Variants in FOXH1 observed in about 807,000 individuals in gnomAD.
The protein encoded by FOXH1 is forkhead box protein H1.
Under a neutral mutation model 14.2 loss-of-function variants are expected in FOXH1, and 10 were observed. The ratio of observed to expected loss-of-function variants is 0.70; its 90% CI spans 0.43 to 1.19. The LOEUF (loss-of-function observed/expected upper bound fraction) is 1.19, where lower values mean the gene tolerates loss of function less well. FOXH1 is among the 50% of genes most tolerant of loss of function. The probability of loss-of-function intolerance (pLI) is 0.00; values close to 1 mark genes in which losing one functional copy is unlikely to be tolerated. For synonymous variants in FOXH1, 273 were observed against 209.5 expected (o/e 1.30, Z -2.62); for missense variants, 643 against 492.1 (o/e 1.31, Z -2.90).
Position 144,475,668 on chromosome 8 carries a change from C to T in FOXH1, c.89G>A (p.Arg30Gln), listed in dbSNP as rs1825128414. Residue 30 changes from arginine to glutamine, a missense_variant, in exon 1 of 3, where the codon CGA becomes CAA. By Grantham distance (43) the Arg-to-Gln change is conservative (BLOSUM62 1). Transcript: ENST00000377317. Reference protein sequence around the residue: ...PPKRRKKRYLRHDKPPYTYLA... With the variant: ...PPKRRKKRYLQHDKPPYTYLA... ...GTAGGTGTAGGGGGGCTTGTCATGT[C>T]GCAGGTACCTCTTCTTCCTCCTCTT... The T allele has an allele frequency of 1.4e-6, 2 of 1,421,314 alleles. No individual in the cohort carries two copies. Among genetic ancestry groups the T allele is most frequent in the African/African-American group, 1.4e-5 (1 of 69,232 alleles). The allele number at this position is 1,421,314 out of a possible 1,614,324, so 88.0% of individuals were successfully genotyped here. A position where few individuals can be genotyped will look rare whatever the true frequency, so the allele number is the denominator to read the frequency against.
At position 144,474,966 on chromosome 8, in the gene FOXH1, TCTG is replaced by T. The variant is rs1229949537; in HGVS notation, c.367_369del (p.Gln123del). ...TGCCAGCGCCGGCACAGGGCGGTGTTCTGCAGCCGGAGCGCCTCAGCTGGGATC... is the reference window on the plus strand; with the variant it reads ...TGCCAGCGCCGGCACAGGGCGGTGTTCAGCCGGAGCGCCTCAGCTGGGATC... On this transcript the variant is annotated inframe_deletion, in exon 3 of 3. Transcript: ENST00000377317. 1.9e-6 allele frequency: 3 copies of T among 1,607,922 alleles called. No homozygotes were observed. The highest frequency in any genetic ancestry group is 2.5e-6 in the Non-Finnish European group (3 of 1,178,440).
chr8:144,475,352 C>T, intron 1 of FOXH1, 91 bp from the exon 2 acceptor site: 3 of 1,138,568 alleles, frequency 2.6e-6, no homozygotes, highest in East Asian at 2.5e-5. Flanking sequence ...CTCAGGGGCG[C>T]GCGGTGCCGG....
At position 144,473,449 on chromosome 8, in the gene FOXH1, A is replaced by G; in HGVS notation, c.*789T>C. The stretch of plus-strand genomic sequence containing the variant: ...CCAGGTCTCTGCTGGCAGAGGCGGT[A>G]GTAAAGTCCCTGTACCCCGTCTCCC... On this transcript the variant is annotated 3_prime_UTR_variant, in exon 3 of 3. Coordinates refer to ENST00000377317, the MANE Select transcript of FOXH1 (RefSeq NM_003923.3). The G allele has an allele frequency of 1.3e-6, 2 of 1,517,646 alleles. No homozygotes were observed. The highest frequency in any genetic ancestry group is 1.7e-4 in the Middle Eastern group (1 of 5,788). The allele number at this position is 1,517,646 out of a possible 1,614,324, so 94.0% of individuals were successfully genotyped here.
chr8:144,474,627 C>A lies in FOXH1; in HGVS notation c.709G>T (p.Ala237Ser), dbSNP rs1483781339. 1 of 1,586,652 alleles carries A rather than the reference C, an allele frequency of 6.3e-7. No homozygotes were observed. Among genetic ancestry groups the A allele is most frequent in the Admixed American group, 1.8e-5 (1 of 56,658 alleles). ...RVEGETVQGG[A>S]IGPSTLSPEP... ...GGGGAGAGGGTTGAGGGCCCGATGG[C>A]TCCCCCCTGCACAGTCTCCCCCTCC... is the stretch of plus-strand genomic sequence containing the variant. The change falls in exon 3 of 3, where the codon GCC (alanine) becomes TCC (serine). Residue 237 changes from alanine to serine, a missense_variant. By Grantham distance (99) the Ala-to-Ser change is moderately conservative. Transcript: ENST00000377317.
chr8:144,475,807 G>T lies in FOXH1; in HGVS notation c.-51C>A. On this transcript the variant is annotated 5_prime_UTR_variant, in exon 1 of 3. Transcript: ENST00000377317. ...GGGCCTGGCCGGGTGGAGGGTGCAGGGCGGTGGGGCAGTGTAGAAGGCAGG... is the reference window on the plus strand; with the variant it reads ...GGGCCTGGCCGGGTGGAGGGTGCAGTGCGGTGGGGCAGTGTAGAAGGCAGG... 1 of 1,275,688 alleles carries T rather than the reference G, an allele frequency of 7.8e-7. No homozygotes were observed. The highest frequency in any genetic ancestry group is 1.0e-6 in the Non-Finnish European group (1 of 992,456). 79.0% of individuals were successfully genotyped at this position (1,275,688 alleles called of 1,614,324 possible). A position where few individuals can be genotyped will look rare whatever the true frequency, so the allele number is the denominator to read the frequency against.
At chr8:144,475,302 C>A (rs367810076) in intron 1 of FOXH1, 41 bp from the exon 2 acceptor site, 1 of 1,537,054 alleles carries the variant, frequency 6.5e-7, no homozygotes, top group East Asian at 2.3e-5. Flanking sequence ...TGAGCCCAGA[C>A]GGGGAGGGGG....
intron 1 of FOXH1, 62 bp from the exon 2 acceptor site, chr8:144,475,323 C>A: frequency 1.4e-6 from 2 of 1,380,468 alleles, no homozygotes; most frequent in Non-Finnish European, 2.0e-6. Context: ...TAGCGCCCTA[C>A]CCCTCCCCCA....
chr8:144,475,329 C>G, intron 1 of FOXH1, 68 bp from the exon 2 acceptor site: 1 of 1,334,388 alleles, frequency 7.5e-7, no homozygotes, highest in East Asian at 2.4e-5. Context: ...CCTACCCCTC[C>G]CCCACTACCG....
At position 144,475,018 on chromosome 8, in the gene FOXH1, G is replaced by A. The variant is rs1825100684; in HGVS notation, c.318C>T (p.Asn106=). ...KDPAKPQAKG[N]FWAVDVSLIP... Reference sequence around the variant, plus strand: ...TCAGGCTCACGTCGACCGCCCAGAAGTTGCCCTTGGCCTGGGGCTTTGCAG... The same window carrying A: ...TCAGGCTCACGTCGACCGCCCAGAAATTGCCCTTGGCCTGGGGCTTTGCAG... The change falls in exon 3 of 3, where the codon AAC becomes AAT. Residue 106 remains asparagine, a synonymous_variant. Coordinates refer to ENST00000377317, the MANE Select transcript of FOXH1 (RefSeq NM_003923.3). 1 of 1,604,796 alleles carries A rather than the reference G, an allele frequency of 6.2e-7. No individual in the cohort carries two copies. Among genetic ancestry groups the A allele is most frequent in the East Asian group, 2.3e-5 (1 of 44,376 alleles).
rs1229709012 is a variant in FOXH1 at position 144,474,266 on chromosome 8, C to T, written c.1070G>A (p.Gly357Asp). The T allele has an allele frequency of 7.5e-6, 12 of 1,591,856 alleles. No homozygotes were observed. Among genetic ancestry groups the T allele is most frequent in the African/African-American group, 1.3e-5 (1 of 74,482 alleles). ...CAGGCTGCACCAGGAGAGCAGCCAG[C>T]CTGGGCCAGGGGCCGCCAGGTCCCG... ...HPRDLAAPGP[G>D]WLLSWCSL Residue 357 changes from glycine (G) to aspartate (D), a missense_variant, in exon 3 of 3, where the codon GGC (glycine) becomes GAC (aspartate). By Grantham distance (94) the Gly-to-Asp change is moderately conservative. Coordinates refer to ENST00000377317, the MANE Select transcript of FOXH1 (RefSeq NM_003923.3).
At position 144,474,619 on chromosome 8, in the gene FOXH1, C is replaced by A; in HGVS notation, c.717G>T (p.Gly239=). 6.3e-7 allele frequency: 1 copy of A among 1,591,508 alleles called. No homozygotes were observed. The highest frequency in any genetic ancestry group is 8.6e-7 in the Non-Finnish European group (1 of 1,168,984). The part of the protein sequence containing the change: ...EGETVQGGAI[G]PSTLSPEPRA... ...TAGGCTCTGGGGAGAGGGTTGAGGG[C>A]CCGATGGCTCCCCCCTGCACAGTCT... The change falls in exon 3 of 3, where the codon GGG becomes GGT. Residue 239 remains glycine, a synonymous_variant. Transcript: ENST00000377317.
In FOXH1 at chr8:144,474,795, G is replaced by T; in HGVS notation, c.541C>A (p.Pro181Thr). Residue 181 changes from proline (P) to threonine (T), a missense_variant, in exon 3 of 3, where the codon CCC (proline) becomes ACC (threonine). By Grantham distance (38) the Pro-to-Thr change is conservative. Coordinates refer to ENST00000377317, the MANE Select transcript of FOXH1 (RefSeq NM_003923.3). The stretch of plus-strand genomic sequence containing the variant: ...CTCTGTGGAGCTAGCCCCGGCCAGG[G>T]TGCCCCCTCCCCGGACCCTCCTAGC... ...SLLGGSGEGA[P>T]WPGLAPQSSP... 6.2e-7 allele frequency: 1 copy of T among 1,605,480 alleles called. No individual in the cohort carries two copies. Among genetic ancestry groups the T allele is most frequent in the South Asian group, 1.1e-5 (1 of 90,390 alleles).
In FOXH1 at chr8:144,474,350, G is replaced by A. The variant is rs747195678; in HGVS notation, c.986C>T (p.Ala329Val). The change falls in exon 3 of 3, where the codon GCC becomes GTC. Residue 329 changes from alanine to valine, a missense_variant. Ala to Val is a moderately conservative substitution (Grantham distance 64). Transcript: ENST00000377317. The stretch of plus-strand genomic sequence containing the variant: ...GTTGGGTGGCACCCCTTGGAAGAGG[G>A]CGTCTAGATCGCAGAGCAGCCCTGG... ...GPPGLLCDLD[A>V]LFQGVPPNKS... The A allele has an allele frequency of 1.1e-5, 17 of 1,612,928 alleles. No homozygotes were observed. Among genetic ancestry groups the A allele is most frequent in the Non-Finnish European group, 2.5e-6 (3 of 1,179,988 alleles).
Position 144,474,901 on chromosome 8 carries a change from G to A in FOXH1, c.435C>T (p.Gly145=). Residue 145 remains glycine, a synonymous_variant, in exon 3 of 3, where the codon GGC becomes GGT. Coordinates refer to ENST00000377317, the MANE Select transcript of FOXH1 (RefSeq NM_003923.3). ...GARGAFAKDL[G]PYVLHGRPYR... ...ATGGCCGGCCGTGCAGCACGTAGGG[G>A]CCCAGGTCCTTGGCGAAGGCTCCAC... The A allele has an allele frequency of 1.2e-6, 2 of 1,610,046 alleles. No individual in the cohort carries two copies. The highest frequency in any genetic ancestry group is 1.7e-6 in the Non-Finnish European group (2 of 1,179,614).
Position 144,474,228 on chromosome 8 carries a change from C to A in FOXH1, c.*10G>T. The stretch of plus-strand genomic sequence containing the variant: ...AGCGGGAGGGAGGAGTGGCCCCTGT[C>A]TTAAGAGCCTCACAGGCTGCACCAG... On this transcript the variant is annotated 3_prime_UTR_variant, in exon 3 of 3. Transcript: ENST00000377317. 1.3e-6 allele frequency: 2 copies of A among 1,554,812 alleles called. No individual in the cohort carries two copies. The highest frequency in any genetic ancestry group is 1.4e-5 in the African/African-American group (1 of 73,202).
In FOXH1 at chr8:144,474,551, C is replaced by G. The variant is rs886062752; in HGVS notation, c.785G>C (p.Gly262Ala). Residue 262 changes from glycine (G) to alanine (A), a missense_variant, in exon 3 of 3, where the codon GGG (glycine) becomes GCG (alanine). Physicochemically the swap from Gly to Ala is moderately conservative, Grantham distance 60. Coordinates refer to ENST00000377317, the MANE Select transcript of FOXH1 (RefSeq NM_003923.3). ...CCTGTGTCCCCCGCTGGACCGTCCC[C>G]CAGGAACTGCGGTGCCCTGCAGTAA... ...LHLLQGTAVP[G>A]GRSSGGHRAS... 2.5e-6 allele frequency: 4 copies of G among 1,610,926 alleles called. No homozygotes were observed. The Admixed American group carries it at 5.0e-5, about 20-fold the overall frequency.
Position 144,474,649 on chromosome 8 carries a change from C to G in FOXH1, c.687G>C (p.Glu229Asp), listed in dbSNP as rs1232055518. 1.3e-6 allele frequency: 2 copies of G among 1,563,940 alleles called. No individual in the cohort carries two copies. Among genetic ancestry groups the G allele is most frequent in the South Asian group, 1.2e-5 (1 of 85,110 alleles). Residue 229 changes from glutamate to aspartate, a missense_variant, in exon 3 of 3, where the codon GAG (glutamate) becomes GAC (aspartate). By Grantham distance (45) the Glu-to-Asp change is conservative. Transcript: ENST00000377317. ...LCPLPGPTRV[E>D]GETVQGGAIG... is the part of the protein sequence containing the mutation. ...TGGCTCCCCCCTGCACAGTCTCCCC[C>G]TCCACTCTCGTGGGGCCAGGAAGGG...
At chr8:144,475,462 A>C in intron 1 of FOXH1, 121 bp downstream of exon 1, 1 of 872,886 alleles carries the variant, frequency 1.1e-6, no homozygotes, top group Non-Finnish European at 1.7e-6. Flanking sequence ...CTCAGCTCTC[A>C]GGACTGGTCC....
chr8:144,474,937 G>A lies in FOXH1; in HGVS notation c.399C>T (p.Asn133=), dbSNP rs775045785. ...TGGCGAAGGCTCCACGCGCACCTCC[G>A]TTCTGCCAGCGCCGGCACAGGGCGG... The part of the protein sequence containing the change: ...QNTALCRRWQ[N]GGARGAFAKD... Residue 133 remains asparagine (N), a synonymous_variant, in exon 3 of 3, where the codon AAC becomes AAT. Transcript: ENST00000377317. 6.8e-6 allele frequency: 11 copies of A among 1,608,250 alleles called. No homozygotes were observed. In the South Asian group the frequency reaches 8.8e-5, roughly 13 times the overall value.
Sources: allele counts gnomAD v4.1 joint callset, GRCh38; gene constraint gnomAD v4.1.1; transcripts MANE v1.5; gene names NCBI Gene and HGNC (gene_info 2026-07-23, HGNC 2026-07-21).